Variants in ARMC12 observed in about 807,000 individuals in gnomAD.
ARMC12 encodes armadillo repeat containing 12, also known as armadillo repeat-containing protein 12.
ARMC12 carries 25 observed loss-of-function variants against 37.4 expected under a neutral mutation model. The ratio of observed to expected loss-of-function variants is 0.67; its 90% CI spans 0.49 to 0.93. The LOEUF (loss-of-function observed/expected upper bound fraction) is 0.93, where lower values mean the gene tolerates loss of function less well. ARMC12 is among the 40% of genes least tolerant of loss of function. ARMC12 has a pLI of 0.00. For missense variants in ARMC12, 384 were observed against 426.6 expected (o/e 0.90, Z 0.88); for synonymous variants, 167 against 176.1 (o/e 0.95, Z 0.41).
rs1282189318 is a variant in ARMC12 at position 35,738,137 on chromosome 6, A to G, written c.274A>G (p.Ser92Gly). The G allele has an allele frequency of 6.2e-7, 1 of 1,613,750 alleles. No homozygotes were observed. Among genetic ancestry groups the G allele is most frequent in the Non-Finnish European group, 8.5e-7 (1 of 1,179,934 alleles). Residue 92 changes from serine to glycine, a missense_variant, in exon 2 of 6, where the codon AGT becomes GGT. Coordinates refer to ENST00000373866, the MANE Select transcript of ARMC12 (RefSeq NM_001286574.2). The stretch of plus-strand genomic sequence containing the variant: ...GTATGCCAAGAGCATGATCCTGCAC[A>G]GTATCACTCGCTGTGTGTACTTGCT... ...DEYAKSMILHSITRCVYLLEA... is the reference protein window; with the variant it reads ...DEYAKSMILHGITRCVYLLEA...
rs1485351153 is a variant in ARMC12, at chr6:35,747,620, CCTT to C, written c.666_668del (p.Leu223del). On this transcript the variant is annotated inframe_deletion, in exon 5 of 6. Coordinates refer to ENST00000373866, the MANE Select transcript of ARMC12 (RefSeq NM_001286574.2). The stretch of plus-strand genomic sequence containing the variant: ...TGAGCTACCTGGCACAGAAGAATGA[CCTT>C]CTCTATGACATTCTCAACTGCCAGG... 3 of 1,614,072 alleles carry C rather than the reference CCTT, an allele frequency of 1.9e-6. No homozygotes were observed. The highest frequency in any genetic ancestry group is 1.3e-5 in the African/African-American group (1 of 74,930).
At chr6:35,747,215 G>T (rs1259709547) in intron 3 of ARMC12, 46 bp from the exon 4 acceptor site, 2 of 1,578,402 alleles carry the variant, frequency 1.3e-6, no homozygotes, top group South Asian at 2.3e-5. Context: ...CTGGGATAGT[G>T]GTGATCACCT....
chr6:35,749,010 CT>C lies in ARMC12; in HGVS notation c.*142del. On this transcript the variant is annotated 3_prime_UTR_variant, in exon 6 of 6. Transcript: ENST00000373866. ...GCTCCAGAGTGTGGTACAGCATGGGCTTATCTCTCAAAACACATCCCCACTT... is the reference window on the plus strand; with the variant it reads ...GCTCCAGAGTGTGGTACAGCATGGGCTATCTCTCAAAACACATCCCCACTT... 1 of 809,004 alleles carries C rather than the reference CT, an allele frequency of 1.2e-6. No individual in the cohort carries two copies. Among genetic ancestry groups the C allele is most frequent in the Non-Finnish European group, 1.9e-6 (1 of 537,748 alleles). 50.1% of individuals were successfully genotyped at this position (809,004 alleles called of 1,614,324 possible). A position where few individuals can be genotyped will look rare whatever the true frequency, so the allele number is the denominator to read the frequency against.
rs7770960 is a variant in ARMC12 at position 35,746,827 on chromosome 6, G to A, written c.445-434G>A. On this transcript the variant is annotated intron_variant, in intron 3 of 5. Transcript: ENST00000373866. ...GGAGCAGGTCTGGGGATGGGGGAGC[G>A]TGTTAACTCTGAGAGCTCTATTAGA... Among the ~76,000 whole-genome samples, 741 of 152,128 alleles carry A rather than the reference G, an allele frequency of 4.9e-3. 6 individuals are homozygous for A. Among genetic ancestry groups the A allele is most frequent in the Middle Eastern group, 0.02 (6 of 294 alleles).
chr6:35,745,605 G>A (rs1767312727), intron 3 of ARMC12, among the ~76,000 whole-genome samples: 1 of 152,150 alleles, frequency 6.6e-6, no homozygotes, highest in Admixed American at 6.5e-5. Context: ...AAATGACATA[G>A]AACTATGCAC....
At chr6:35,735,871 T>A (rs1766948434), upstream of ARMC12, 1 of 152,202 alleles carries the variant, frequency 6.6e-6, no homozygotes, top group Non-Finnish European at 1.5e-5. The surrounding 1 kb of genome is among the most constrained non-coding windows in gnomAD (Gnocchi z 4.0). Flanking sequence ...CTCATATCCC[T>A]GGGGAGGCTG....
chr6:35,737,897 C>T, intron 1 of ARMC12, 130 bp from the exon 2 acceptor site: 1 of 1,252,504 alleles, frequency 8.0e-7, no homozygotes, highest in Non-Finnish European at 1.1e-6. Context: ...GGTGGTCCTG[C>T]ATATGGCGAG....
intron 5 of ARMC12, 49 bp from the exon 6 acceptor site, chr6:35,748,489 G>A (rs1767406138): frequency 7.2e-7 from 1 of 1,382,756 alleles, no homozygotes; most frequent in South Asian, 1.9e-5. Context: ...CAAGAATTTT[G>A]TAACTTGCCT....
At position 35,747,294 on chromosome 6, in the gene ARMC12, AC is replaced by A. The variant is rs752131709; in HGVS notation, c.480del (p.Ile161SerfsTer30). On this transcript the variant is annotated frameshift_variant, in exon 4 of 6. Coordinates refer to ENST00000373866, the MANE Select transcript of ARMC12 (RefSeq NM_001286574.2). LOFTEE classifies it high-confidence loss of function. ...CATCAAAGTACTCGAACTGATCTCC[AC>A]CATCTGGGACACGGAACTGCACATT... ...HSIKVLELIS[T>X]IWDTELHIAG... 7 of 1,612,970 alleles carry A rather than the reference AC, an allele frequency of 4.3e-6. No homozygotes were observed. Among genetic ancestry groups the A allele is most frequent in the Non-Finnish European group, 5.9e-6 (7 of 1,179,984 alleles).
intron 5 of ARMC12, among the ~76,000 whole-genome samples, chr6:35,748,093 A>G (rs1767395621): frequency 6.6e-6 from 1 of 152,236 alleles, no homozygotes; most frequent in Non-Finnish European, 1.5e-5. Context: ...ATTAACAAAT[A>G]TACCACTACA....
chr6:35,733,538 C>T (rs1378847377), upstream of ARMC12, among the ~76,000 whole-genome samples: 1 of 152,204 alleles, frequency 6.6e-6, no homozygotes. Flanking sequence ...GAGATGGAGT[C>T]TTGCTCTGTC....
Position 35,743,755 on chromosome 6 carries a change from G to A in ARMC12, c.445-3506G>A, listed in dbSNP as rs140944669. 6.1e-4 allele frequency among the ~76,000 whole-genome samples: 93 copies of A among 151,584 alleles called. 1 individual carries two copies. In the East Asian group the frequency reaches 0.017, roughly 28 times the overall value. ...CATGGAGAAAAATAAAAGGCGGGGGGTGGATAAAGGAGTCTGGGTGGGGGT... is the reference window on the plus strand; with the variant it reads ...CATGGAGAAAAATAAAAGGCGGGGGATGGATAAAGGAGTCTGGGTGGGGGT... On this transcript the variant is annotated intron_variant, in intron 3 of 5. Transcript: ENST00000373866.
chr6:35,732,717 A>G (rs764857488), upstream of ARMC12, among the ~76,000 whole-genome samples: 2 of 152,230 alleles, frequency 1.3e-5, no homozygotes, highest in Non-Finnish European at 2.9e-5. Flanking sequence ...AAGGGGCCTT[A>G]GGATTCCACA....
chr6:35,749,006 T>C lies in ARMC12; in HGVS notation c.*136T>C, dbSNP rs1767427366. 1.1e-5 allele frequency: 9 copies of C among 840,446 alleles called. No individual in the cohort carries two copies. Among genetic ancestry groups the C allele is most frequent in the Non-Finnish European group, 1.6e-5 (9 of 563,914 alleles). 52.1% of individuals were successfully genotyped at this position (840,446 alleles called of 1,614,324 possible). A position where few individuals can be genotyped will look rare whatever the true frequency, so the allele number is the denominator to read the frequency against. ...CTCTGCTCCAGAGTGTGGTACAGCA[T>C]GGGCTTATCTCTCAAAACACATCCC... On this transcript the variant is annotated 3_prime_UTR_variant, in exon 6 of 6. Transcript: ENST00000373866.
In ARMC12 at chr6:35,749,048, G is replaced by T; in HGVS notation, c.*178G>T. ...ACACATCCCCACTTCTATGTTTGGG[G>T]GACTAGCTCCCCTCTTCTCTTGCTG... On this transcript the variant is annotated 3_prime_UTR_variant, in exon 6 of 6. Transcript: ENST00000373866. 5.2e-6 allele frequency: 3 copies of T among 579,802 alleles called. No individual in the cohort carries two copies. Among genetic ancestry groups the T allele is most frequent in the Non-Finnish European group, 8.5e-6 (3 of 351,038 alleles). The allele number at this position is 579,802 out of a possible 1,614,324, so 35.9% of individuals were successfully genotyped here. A position where few individuals can be genotyped will look rare whatever the true frequency, so the allele number is the denominator to read the frequency against.
intron 3 of ARMC12, among the ~76,000 whole-genome samples, chr6:35,743,571 A>G (rs931352577): frequency 5.9e-5 from 9 of 152,214 alleles, no homozygotes; most frequent in African/African-American, 2.2e-4. Context: ...TAAATGTAAT[A>G]TTGAACACTT....
upstream of ARMC12, chr6:35,735,110 G>A (rs2817038): frequency 0.67 from 101,731 of 152,004 alleles, 34,455 homozygotes; most frequent in Middle Eastern, 0.77. This position sits in a 1 kb window ranked among gnomAD's most constrained non-coding sequence, Gnocchi z 4.0. Flanking sequence ...TTGCAGAATC[G>A]GCTCCATGGG....
At chr6:35,747,015 A>G (rs536966029) in intron 3 of ARMC12, among the ~76,000 whole-genome samples, 2 of 139,580 alleles carry the variant, frequency 1.4e-5, no homozygotes, top group South Asian at 2.4e-4. Flanking sequence ...TGAGGTAGGT[A>G]GAAAAGAGGA....
intron 3 of ARMC12, among the ~76,000 whole-genome samples, chr6:35,746,108 A>G (rs969777424): frequency 7.2e-5 from 11 of 152,206 alleles, no homozygotes; most frequent in Admixed American, 1.3e-4. Context: ...AATGTGTGTT[A>G]CACGTGACAA....
Sources: gnomAD v4.1 joint callset for allele counts (sites outside exome capture counted in the v4.1 genomes callset) on GRCh38, gnomAD v4.1.1 for gene constraint, Gnocchi (gnomAD v3.1) non-coding constraint, MANE v1.5 for transcripts, NCBI Gene and HGNC (gene_info 2026-07-23, HGNC 2026-07-21) for gene names.